The following MICAL1 variants were observed in gnomAD, a reference collection of about 807,000 sequenced individuals.
The protein encoded by MICAL1 is [F-actin]-monooxygenase MICAL1.
In MICAL1, 95 loss-of-function variants were observed where a neutral mutation model predicts 131.8. The observed-to-expected ratio is 0.72, with a 90% CI of 0.61 to 0.86. MICAL1 has a LOEUF of 0.86. MICAL1 is among the 40% of genes least tolerant of loss of function. The probability of loss-of-function intolerance (pLI) is 0.00; values close to 1 mark genes in which losing one functional copy is unlikely to be tolerated. For missense variants in MICAL1, 1,292 were observed against 1,380.6 expected (o/e 0.94, Z 1.02); for synonymous variants, 546 against 554.2 (o/e 0.99, Z 0.21).
chr6:109,457,795 CAAT>C (rs1291043056), upstream of MICAL1, among the ~76,000 whole-genome samples: 1 of 152,142 alleles, frequency 6.6e-6, no homozygotes, highest in Non-Finnish European at 1.5e-5. Context: ...GATCAGAGAA[CAAT>C]AATGAGTTCA....
At chr6:109,448,571 G>C in intron 12 of MICAL1, 161 bp downstream of exon 12, 2 of 1,297,588 alleles carry the variant, frequency 1.5e-6, no homozygotes, top group African/African-American at 2.9e-5. Flanking sequence ...CCTGGCTTTG[G>C]GGGCCTGTGC....
intron 12 of MICAL1, 120 bp downstream of exon 12, chr6:109,448,612 A>T: frequency 6.9e-7 from 1 of 1,441,764 alleles, no homozygotes; most frequent in Non-Finnish European, 9.5e-7. Flanking sequence ...ATCTGAATGC[A>T]TTAGAGTCTC....
chr6:109,455,659 G>T lies in MICAL1; in HGVS notation c.-44+60C>A. 1.0e-6 allele frequency: 1 copy of T among 972,838 alleles called. No homozygotes were observed. The highest frequency in any genetic ancestry group is 1.2e-6 in the Non-Finnish European group (1 of 818,404). The allele number at this position is 972,838 out of a possible 1,614,324, so 60.3% of individuals were successfully genotyped here. On this transcript the variant is annotated intron_variant, in intron 1 of 24. Coordinates refer to ENST00000358807, the MANE Select transcript of MICAL1 (RefSeq NM_022765.4). This position sits in a 1 kb window ranked among gnomAD's most constrained non-coding sequence, Gnocchi z 4.7. ...ACCGCAGCTGCGTTTCCCCGGAAGC[G>T]CACCCCACCTCACCCCACCCGGCCG...
chr6:109,463,635 T>TACAGAAA (rs1775960453), intron 1 of MICAL1: 1 of 152,248 alleles, frequency 6.6e-6, no homozygotes, highest in South Asian at 2.1e-4. Flanking sequence ...GTAAGTTGTA[T>TACAGAAA]GAAATCTAAA....
intron 1 of MICAL1, among the ~76,000 whole-genome samples, chr6:109,461,578 T>TA (rs1775889269): frequency 6.6e-6 from 1 of 151,900 alleles, no homozygotes; most frequent in South Asian, 2.1e-4. Context: ...TGTCTCCACT[T>TA]AAAAAAAGAA....
Position 109,448,314 on chromosome 6 carries a change from TG to T in MICAL1, c.1743del (p.Ile582SerfsTer11). The T allele has an allele frequency of 6.2e-7, 1 of 1,614,064 alleles. No individual in the cohort carries two copies. Among genetic ancestry groups the T allele is most frequent in the African/African-American group, 1.3e-5 (1 of 75,060 alleles). ...WALKVAENELGITPVVSAQAV... is the reference protein window; with the variant it reads ...WALKVAENELXITPVVSAQAV... ...GCCTGTGCAGACACCACCGGTGTGA[TG>T]CCCAGCTCATTCTCTGCCACCTTTA... On this transcript the variant is annotated frameshift_variant, in exon 13 of 25. Coordinates refer to ENST00000358807, the MANE Select transcript of MICAL1 (RefSeq NM_022765.4). LOFTEE classifies it high-confidence loss of function.
chr6:109,450,306 C>G lies in MICAL1; in HGVS notation c.1185G>C (p.Leu395=), dbSNP rs780672419. Residue 395 remains leucine, a synonymous_variant, in exon 8 of 25, where the codon CTG becomes CTC. Transcript: ENST00000358807. ...TGCCTCCTGAACCCCTCACCTCCAC[C>G]AGGCAGTCCCCCACCAGTCCCAGCA... ...RLLLGLVGDC[L]VEPFWPLGTG... 1 of 1,604,106 alleles carries G rather than the reference C, an allele frequency of 6.2e-7. No individual in the cohort carries two copies. Among genetic ancestry groups the G allele is most frequent in the South Asian group, 1.1e-5 (1 of 90,878 alleles).
chr6:109,447,379 G>A lies in MICAL1; in HGVS notation c.2048C>T (p.Thr683Ile), dbSNP rs755363341. ...PPDPEPGVPL[T>I]PPSQHQEAGA... ...CACCTCCTGGTGTTGGGATGGGGGT[G>A]TCAGGGGTACACCAGGCTCTGGGTC... is the stretch of plus-strand genomic sequence containing the variant. Residue 683 changes from threonine (T) to isoleucine (I), a missense_variant, in exon 16 of 25, where the codon ACA becomes ATA. Transcript: ENST00000358807. The A allele has an allele frequency of 1.9e-6, 3 of 1,613,622 alleles. No individual in the cohort carries two copies. Among genetic ancestry groups the A allele is most frequent in the East Asian group, 2.2e-5 (1 of 44,814 alleles).
intron 7 of MICAL1, 44 bp downstream of exon 7, chr6:109,451,556 C>A (rs112587986): frequency 8.1e-6 from 13 of 1,609,284 alleles, no homozygotes; most frequent in Non-Finnish European, 1.1e-5. Flanking sequence ...CTCTGCCTCC[C>A]GGGGCTCACC....
chr6:109,451,601 T>TGGCGCAGCACCCCCA lies in MICAL1; in HGVS notation c.917_931dup (p.Leu306_Arg310dup). 1 of 1,613,760 alleles carries TGGCGCAGCACCCCCA rather than the reference T, an allele frequency of 6.2e-7. No individual in the cohort carries two copies. ...CTCCTGGCCAGGACTGGGCCTCACCTGGCGCAGCACCCCCAGCCGCAGCAG... is the reference window on the plus strand; with the variant it reads ...CTCCTGGCCAGGACTGGGCCTCACCTGGCGCAGCACCCCCAGGCGCAGCACCCCCAGCCGCAGCAG... On this transcript the variant is annotated inframe_insertion and splice_region_variant, in exon 7 of 25. Transcript: ENST00000358807.
Position 109,444,235 on chromosome 6 carries a change from G to A in MICAL1, c.3160C>T (p.Arg1054Cys), listed in dbSNP as rs764409138. 1.5e-5 allele frequency: 25 copies of A among 1,613,610 alleles called. No homozygotes were observed. The highest frequency in any genetic ancestry group is 3.3e-4 in the Middle Eastern group (2 of 5,996). The change falls in exon 25 of 25, where the codon CGC becomes TGC. Residue 1054 changes from arginine to cysteine, a missense_variant. By Grantham distance (180) the Arg-to-Cys change is radical (BLOSUM62 -3). Coordinates refer to ENST00000358807, the MANE Select transcript of MICAL1 (RefSeq NM_022765.4). The stretch of plus-strand genomic sequence containing the variant: ...CCCAAGGCCAGCTCGCTGAGCCTGC[G>A]CTCCTCCTGGAAGCGGATGAGGGCA... ...RDALIRFQEE[R>C]RLSELALGTG...
In MICAL1 at chr6:109,446,151, C is replaced by T; in HGVS notation, c.2566G>A (p.Val856Ile). 6.4e-7 allele frequency: 1 copy of T among 1,553,788 alleles called. No homozygotes were observed. Among genetic ancestry groups the T allele is most frequent in the Non-Finnish European group, 8.7e-7 (1 of 1,154,466 alleles). The change falls in exon 19 of 25, where the codon GTC (valine) becomes ATC (isoleucine). Residue 856 changes from valine to isoleucine, a missense_variant. Physicochemically the swap from Val to Ile is conservative, Grantham distance 29. Transcript: ENST00000358807. ...ESSFVGWGLP[V>I]QSPQALVAME... ...GATGGGTTACCTTGAGGGCTCTGGA[C>T]TGGCAGGCCCCAGCCCACAAAGCTG... is the stretch of plus-strand genomic sequence containing the variant.
In MICAL1 at chr6:109,453,959, G is replaced by T; in HGVS notation, c.238C>A (p.Arg80=). 1.2e-6 allele frequency: 2 copies of T among 1,613,846 alleles called. No homozygotes were observed. The highest frequency in any genetic ancestry group is 2.2e-5 in the East Asian group (1 of 44,876). The part of the protein sequence containing the change: ...RAGQPVYQQG[R]ACTSTKCLVV... Reference sequence around the variant, plus strand: ...TCCACCTTGGTGCTGGTGCAGGCCCGGCCCTGCTGGTAGACAGGCTGGCCT... The same window carrying T: ...TCCACCTTGGTGCTGGTGCAGGCCCTGCCCTGCTGGTAGACAGGCTGGCCT... The change falls in exon 2 of 25, where the codon CGG becomes AGG. Residue 80 remains arginine (R), a synonymous_variant. Coordinates refer to ENST00000358807, the MANE Select transcript of MICAL1 (RefSeq NM_022765.4).
At chr6:109,463,880 C>T (rs1202606093) in intron 1 of MICAL1, 2 of 152,152 alleles carry the variant, frequency 1.3e-5, no homozygotes, top group Non-Finnish European at 2.9e-5. Flanking sequence ...TTTAAAGTGA[C>T]CTATGTTGTT....
intron 7 of MICAL1, among the ~76,000 whole-genome samples, chr6:109,451,116 T>A (rs1775520893): frequency 6.6e-6 from 1 of 151,492 alleles, no homozygotes; most frequent in Non-Finnish European, 1.5e-5. Flanking sequence ...TAGCCCAGAA[T>A]ATGATTCCTG....
intron 1 of MICAL1, chr6:109,454,856 T>A (rs187764527): frequency 6.6e-6 from 1 of 152,542 alleles, no homozygotes. Flanking sequence ...TCCACCAAAC[T>A]GCCTCAACAA....
At position 109,454,053 on chromosome 6, in the gene MICAL1, G is replaced by A; in HGVS notation, c.144C>T (p.Tyr48=). 6.2e-7 allele frequency: 1 copy of A among 1,614,112 alleles called. No individual in the cohort carries two copies. Among genetic ancestry groups the A allele is most frequent in the Non-Finnish European group, 8.5e-7 (1 of 1,180,032 alleles). The change falls in exon 2 of 25, where the codon TAC becomes TAT. Residue 48 remains tyrosine (Y), a synonymous_variant. Transcript: ENST00000358807. ...GLEPGGGLPQ[Y]HKIKDQLNYW... is the part of the protein sequence containing the mutation. ...AGTTGAGCTGGTCCTTGATCTTGTG[G>A]TACTGGGGCAGCCCCCCACCGGGTT...
chr6:109,452,344 A>G lies in MICAL1; in HGVS notation c.734T>C (p.Val245Ala). Residue 245 changes from valine (V) to alanine (A), a missense_variant, in exon 6 of 25, where the codon GTG (valine) becomes GCG (alanine). Transcript: ENST00000358807. Reference protein sequence around the residue: ...KLAIGITANFVNGRTVEETQV... With the variant: ...KLAIGITANFANGRTVEETQV... ...TGTCTCCTCCACGGTGCGTCCATTCACAAAGTTGGCTGTGATGCCAATGGC... is the reference window on the plus strand; with the variant it reads ...TGTCTCCTCCACGGTGCGTCCATTCGCAAAGTTGGCTGTGATGCCAATGGC... 3 of 1,614,178 alleles carry G rather than the reference A, an allele frequency of 1.9e-6. No individual in the cohort carries two copies. Among genetic ancestry groups the G allele is most frequent in the Non-Finnish European group, 2.5e-6 (3 of 1,180,040 alleles).
In MICAL1 at chr6:109,445,794, GC is replaced by G. The variant is rs1214322512; in HGVS notation, c.2649del (p.Pro884LeufsTer20). The G allele has an allele frequency of 5.6e-6, 9 of 1,611,574 alleles. No individual in the cohort carries two copies. Among genetic ancestry groups the G allele is most frequent in the Non-Finnish European group, 7.6e-6 (9 of 1,179,110 alleles). On this transcript the variant is annotated frameshift_variant, in exon 20 of 25. Transcript: ENST00000358807. LOFTEE classifies it high-confidence loss of function. ...ACCTGTTCCACATCTGAGTCCAAAG[GC>G]ACATCTTCTTCTTCCTCTTCACTGG... ...PFSSEEEEED[V>X]PLDSDVEQAL...
Sources: allele counts gnomAD v4.1 joint callset (sites outside exome capture counted in the v4.1 genomes callset), GRCh38; gene constraint gnomAD v4.1.1; non-coding constraint Gnocchi (gnomAD v3.1); transcripts MANE v1.5; gene names NCBI Gene and HGNC (gene_info 2026-07-23, HGNC 2026-07-21).